PLSCR2: variants seen among roughly 807,000 people sequenced by gnomAD.
The protein encoded by PLSCR2 is phospholipid scramblase 2.
Under a neutral mutation model 25.3 loss-of-function variants are expected in PLSCR2, and 18 were observed. That is an observed-to-expected ratio of 0.71 (90% CI 0.49 to 1.06). PLSCR2 has a LOEUF of 1.06. Among genes scored for constraint, PLSCR2 ranks in the 50% least tolerant of loss-of-function variants. The pLI, the probability that PLSCR2 is intolerant of heterozygous loss-of-function variation, is 0.00. For missense variants in PLSCR2, 243 were observed against 269.5 expected (o/e 0.90, Z 0.69); for synonymous variants, 88 against 87.3 (o/e 1.01, Z -0.04).
chr3:146,465,240 C>T (rs1422822730), upstream of PLSCR2, among the ~76,000 whole-genome samples: 1 of 152,086 alleles, frequency 6.6e-6, no homozygotes. Flanking sequence ...TCTGCAATGC[C>T]GCATGTAGCA....
intron 2 of PLSCR2, among the ~76,000 whole-genome samples, chr3:146,396,114 T>G (rs2038264281): frequency 6.6e-6 from 1 of 152,202 alleles, no homozygotes; most frequent in Admixed American, 6.5e-5. Flanking sequence ...AAAGTAGATT[T>G]TCAAATTGTA....
At chr3:146,435,784 C>T (rs1312151011) in intron 8 of PLSCR2, among the ~76,000 whole-genome samples, 3 of 152,196 alleles carry the variant, frequency 2.0e-5, no homozygotes, top group African/African-American at 7.2e-5. Flanking sequence ...TAATTAGATC[C>T]CATTTGTCAA....
chr3:146,426,830 T>G (rs1021330371), intron 2 of PLSCR2, among the ~76,000 whole-genome samples: 2 of 152,216 alleles, frequency 1.3e-5, no homozygotes, highest in Non-Finnish European at 2.9e-5. Context: ...TATTCTGCAC[T>G]AAATTACGTT....
At chr3:146,429,937 GC>G (rs2039488784), downstream of PLSCR2, among the ~76,000 whole-genome samples, 1 of 152,146 alleles carries the variant, frequency 6.6e-6, no homozygotes, top group Non-Finnish European at 1.5e-5. Flanking sequence ...AGGGGTGGGA[GC>G]AAAGAGGGGT....
chr3:146,460,029 T>G lies in PLSCR2; in HGVS notation c.-125A>C, dbSNP rs1355436221. On this transcript the variant is annotated 5_prime_UTR_variant, in exon 2 of 7. Coordinates refer to ENST00000610787, the Ensembl canonical transcript of PLSCR2. ...GGCCTGGGAGCCCAGGTGGTCAGCC[T>G]GTTTCCCAGTGTGTCCAGCCTGGTG... 2.5e-6 allele frequency: 4 copies of G among 1,594,030 alleles called. No individual in the cohort carries two copies. The highest frequency in any genetic ancestry group is 2.2e-5 in the South Asian group (2 of 89,436).
chr3:146,403,431 A>C (rs1364484695), intron 2 of PLSCR2, among the ~76,000 whole-genome samples: 1 of 152,172 alleles, frequency 6.6e-6, no homozygotes, highest in African/African-American at 2.4e-5. Flanking sequence ...GGAGCTTGAG[A>C]ACTTGCATTT....
chr3:146,460,314 T>TTTACTATGTAAAACTCTACC, exon 1 of PLSCR2: 1 of 774,938 alleles, frequency 1.3e-6, no homozygotes, highest in Non-Finnish European at 1.7e-6. Context: ...AGAGCTTTAC[T>TTTACTATGTAAAACTCTACC]TTTACTATGT....
chr3:146,483,509 A>ATATATACATGTGTATAT (rs1553791539), intron 1 of PLSCR2, among the ~76,000 whole-genome samples: 1 of 127,074 alleles, frequency 7.9e-6, no homozygotes, highest in Non-Finnish European at 1.7e-5. Flanking sequence ...ATATATATAT[A>ATATATACATGTGTATAT]ATGTTACTAC....
At chr3:146,400,517 T>C (rs1442440211) in intron 2 of PLSCR2, among the ~76,000 whole-genome samples, 1 of 151,510 alleles carries the variant, frequency 6.6e-6, no homozygotes, top group Non-Finnish European at 1.5e-5. Context: ...GCCATAGCCA[T>C]TGAGCAGAAG....
downstream of PLSCR2, among the ~76,000 whole-genome samples, chr3:146,430,046 G>A (rs923761845): frequency 6.6e-6 from 1 of 152,016 alleles, no homozygotes; most frequent in Non-Finnish European, 1.5e-5. Flanking sequence ...TTCCGCGCCT[G>A]GCTGGAATTT....
chr3:146,400,061 T>C (rs2038413298), intron 2 of PLSCR2, among the ~76,000 whole-genome samples: 1 of 151,730 alleles, frequency 6.6e-6, no homozygotes, highest in Non-Finnish European at 1.5e-5. Flanking sequence ...CCACAAAATA[T>C]AGGTAGATGT....
chr3:146,481,633 T>C (rs1451761901), intron 1 of PLSCR2, among the ~76,000 whole-genome samples: 1 of 152,218 alleles, frequency 6.6e-6, no homozygotes, highest in Admixed American at 6.5e-5. Flanking sequence ...AGAATCAGTA[T>C]TGTGAAAATG....
chr3:146,493,495 G>C (rs753705394), intron 1 of PLSCR2, among the ~76,000 whole-genome samples: 1 of 152,090 alleles, frequency 6.6e-6, no homozygotes, highest in East Asian at 1.9e-4. Context: ...TTCACGAAAT[G>C]TGATTCATCA....
intron 2 of PLSCR2, among the ~76,000 whole-genome samples, chr3:146,421,401 G>T (rs2039145603): frequency 6.6e-6 from 1 of 151,946 alleles, no homozygotes; most frequent in Non-Finnish European, 1.5e-5. Flanking sequence ...AGATTCTTTA[G>T]CCTGAAGACT....
chr3:146,471,065 G>A (rs1418876536), intron 1 of PLSCR2, among the ~76,000 whole-genome samples: 1 of 151,512 alleles, frequency 6.6e-6, no homozygotes, highest in Non-Finnish European at 1.5e-5. Flanking sequence ...TTTACATAAA[G>A]AGGATTATTT....
intron 4 of PLSCR2, among the ~76,000 whole-genome samples, chr3:146,454,579 T>C (rs1560019711): frequency 6.6e-6 from 1 of 152,172 alleles, no homozygotes; most frequent in Non-Finnish European, 1.5e-5. Context: ...GTTGCGCCAA[T>C]GGGATCCTGG....
In PLSCR2 at chr3:146,441,838, A is replaced by G. The variant is rs2040259651; in HGVS notation, c.646-17T>C. ...CATGTAGTCCTGGATAAAAACAAAA[A>G]TACAGAAATGAATTCTCAGAAACCA... On this transcript the variant is annotated splice_polypyrimidine_tract_variant and intron_variant, in intron 6 of 6. Coordinates refer to ENST00000610787, the Ensembl canonical transcript of PLSCR2. The G allele has an allele frequency of 1.3e-6, 2 of 1,545,158 alleles. No individual in the cohort carries two copies. The highest frequency in any genetic ancestry group is 1.4e-5 in the African/African-American group (1 of 73,226).
chr3:146,447,243 C>T (rs1171573612), intron 6 of PLSCR2, among the ~76,000 whole-genome samples: 1 of 152,200 alleles, frequency 6.6e-6, no homozygotes, highest in East Asian at 1.9e-4. Context: ...CTTCCCTCTC[C>T]TTTCCTCAAG....
At chr3:146,459,159 A>AT (rs1026423757) in intron 2 of PLSCR2, among the ~76,000 whole-genome samples, 2 of 151,968 alleles carry the variant, frequency 1.3e-5, no homozygotes, top group South Asian at 4.1e-4. Flanking sequence ...AATCCAGGAC[A>AT]TTTTTTTTCC....
Sources: allele counts gnomAD v4.1 joint callset (sites outside exome capture counted in the v4.1 genomes callset), GRCh38; gene constraint gnomAD v4.1.1; transcripts MANE v1.5; gene names NCBI Gene and HGNC (gene_info 2026-07-23, HGNC 2026-07-21).